Variants in KCNIP3 observed in about 807,000 individuals in gnomAD.
KCNIP3 encodes potassium voltage-gated channel interacting protein 3, also known as calsenilin.
In KCNIP3, 28 loss-of-function variants were observed where a neutral mutation model predicts 35.0. That is an observed-to-expected ratio of 0.80 (90% CI 0.59 to 1.10). The LOEUF is 1.10. KCNIP3 is among the 50% of genes least tolerant of loss of function. The pLI is 0.00. For missense variants in KCNIP3, 295 were observed against 338.4 expected (o/e 0.87, Z 1.01); for synonymous variants, 134 against 133.8 (o/e 1.00, Z -0.01).
intron 7 of KCNIP3, 134 bp from the exon 8 acceptor site, chr2:95,383,098 T>TA (rs1680387522): frequency 2.6e-6 from 2 of 757,560 alleles, no homozygotes; most frequent in African/African-American, 1.7e-5. Context: ...GGGGACAAGT[T>TA]AGAGTGGAGG....
At chr2:95,347,261 GTT>G in intron 2 of KCNIP3, 1 of 712,380 alleles carries the variant, frequency 1.4e-6, no homozygotes, top group Non-Finnish European at 2.3e-6. Flanking sequence ...GCTCCGGAGG[GTT>G]GGGCCTGGGA....
chr2:95,360,149 C>T (rs1157823472), intron 2 of KCNIP3, among the ~76,000 whole-genome samples: 5 of 150,848 alleles, frequency 3.3e-5, no homozygotes, highest in African/African-American at 1.2e-4. Context: ...TAAATTCTGC[C>T]TTCCATACTC....
At chr2:95,324,143 C>T (rs1678663903) in intron 2 of KCNIP3, among the ~76,000 whole-genome samples, 1 of 152,252 alleles carries the variant, frequency 6.6e-6, no homozygotes, top group Non-Finnish European at 1.5e-5. Flanking sequence ...CTGACTTAGT[C>T]AGTGAACTAA....
chr2:95,326,161 A>T (rs1678775453), intron 2 of KCNIP3, among the ~76,000 whole-genome samples: 4 of 151,834 alleles, frequency 2.6e-5, no homozygotes. Flanking sequence ...TTATATACGC[A>T]CTCATATACA....
intron 2 of KCNIP3, among the ~76,000 whole-genome samples, chr2:95,317,175 G>C (rs1678478805): frequency 6.6e-6 from 1 of 152,218 alleles, no homozygotes; most frequent in African/African-American, 2.4e-5. Flanking sequence ...GAGCCTCCTA[G>C]GCAGGGGACT....
Position 95,297,565 on chromosome 2 carries a change from C to T in KCNIP3, c.15+112C>T, listed in dbSNP as rs931370104. On this transcript the variant is annotated intron_variant, in intron 1 of 8. Coordinates refer to ENST00000295225, the MANE Select transcript of KCNIP3 (RefSeq NM_013434.5). ...CCTTTTTCTTTGACCCTTGTCCCCTCTTGTTCCACTTTCCTTTGGGGAAAG... is the reference window on the plus strand; with the variant it reads ...CCTTTTTCTTTGACCCTTGTCCCCTTTTGTTCCACTTTCCTTTGGGGAAAG... 4.8e-6 allele frequency: 4 copies of T among 836,812 alleles called. No individual in the cohort carries two copies. The African/African-American group carries it at 7.0e-5, about 15-fold the overall frequency. 51.8% of individuals were successfully genotyped at this position (836,812 alleles called of 1,614,324 possible).
At chr2:95,346,527 C>A (rs1558769769) in intron 2 of KCNIP3, among the ~76,000 whole-genome samples, 1 of 148,206 alleles carries the variant, frequency 6.7e-6, no homozygotes, top group Non-Finnish European at 1.5e-5. Context: ...GGCCGCCGCG[C>A]CTAGGCCAAT....
chr2:95,325,646 C>T (rs909543999), intron 2 of KCNIP3, among the ~76,000 whole-genome samples: 1 of 151,794 alleles, frequency 6.6e-6, no homozygotes, highest in Non-Finnish European at 1.5e-5. Context: ...CACACGCATA[C>T]ACACAAATAG....
chr2:95,384,023 A>G lies in KCNIP3; in HGVS notation c.745A>G (p.Met249Val), dbSNP rs765885238. ...GCAGGATGAGAACATCATGAGCTCC[A>G]TGCAGCTGTTTGAGAATGTCATCTA... ...CQKDENIMSS[M>V]QLFENVI Residue 249 changes from methionine (M) to valine (V), a missense_variant, in exon 9 of 9, where the codon ATG becomes GTG. Coordinates refer to ENST00000295225, the MANE Select transcript of KCNIP3 (RefSeq NM_013434.5). 4.2e-5 allele frequency: 68 copies of G among 1,613,894 alleles called. 2 individuals carry two copies. The South Asian group carries it at 7.5e-4, about 18-fold the overall frequency.
chr2:95,369,192 G>C (rs1679985544), intron 2 of KCNIP3, among the ~76,000 whole-genome samples: 1 of 152,020 alleles, frequency 6.6e-6, no homozygotes, highest in Admixed American at 6.6e-5. Context: ...TTTGTCAAAT[G>C]CTTTTTCTGC....
At chr2:95,347,974 C>T (rs569445047) in intron 2 of KCNIP3, among the ~76,000 whole-genome samples, 1 of 152,250 alleles carries the variant, frequency 6.6e-6, no homozygotes, top group Non-Finnish European at 1.5e-5. Context: ...CCAGCAGCCC[C>T]TCGGGCATGG....
intron 2 of KCNIP3, among the ~76,000 whole-genome samples, chr2:95,359,928 C>T (rs1369200772): frequency 1.3e-5 from 2 of 152,210 alleles, no homozygotes; most frequent in Non-Finnish European, 2.9e-5. Flanking sequence ...GGCCCTTGGC[C>T]CATCCCCTAA....
chr2:95,317,062 C>T (rs985872899), intron 2 of KCNIP3, among the ~76,000 whole-genome samples: 4 of 152,212 alleles, frequency 2.6e-5, no homozygotes, highest in Non-Finnish European at 5.9e-5. Flanking sequence ...AGAGGCACAG[C>T]AGGGCTGAGG....
intron 3 of KCNIP3, 118 bp downstream of exon 3, chr2:95,374,538 G>C (rs1025989284): frequency 2.1e-5 from 27 of 1,310,896 alleles, no homozygotes; most frequent in Non-Finnish European, 2.6e-5. Flanking sequence ...ATGTGTTGTG[G>C]GAAAGCTGTG....
intron 1 of KCNIP3, among the ~76,000 whole-genome samples, chr2:95,298,235 G>A (rs868613934): frequency 9.0e-6 from 1 of 110,806 alleles, no homozygotes; most frequent in Non-Finnish European, 1.9e-5. Flanking sequence ...GTTCAGGTCT[G>A]GCTGCTCATA....
At chr2:95,368,525 G>C in intron 2 of KCNIP3, 1 of 317,418 alleles carries the variant, frequency 3.2e-6, no homozygotes, top group South Asian at 4.3e-5. Context: ...ATAACCTATG[G>C]AAATAAAAAA....
At chr2:95,332,488 G>A (rs114004943) in intron 2 of KCNIP3, among the ~76,000 whole-genome samples, 1 of 152,376 alleles carries the variant, frequency 6.6e-6, no homozygotes, top group African/African-American at 2.4e-5. Context: ...AGTCATGGAG[G>A]AGAGTTCAGC....
chr2:95,300,357 G>A (rs1156439341), intron 1 of KCNIP3, among the ~76,000 whole-genome samples: 1 of 152,228 alleles, frequency 6.6e-6, no homozygotes, highest in Non-Finnish European at 1.5e-5. Flanking sequence ...TTCTGTGTGA[G>A]GCAGGGAACT....
intron 2 of KCNIP3, among the ~76,000 whole-genome samples, chr2:95,318,923 C>T (rs35238915): frequency 1.3e-5 from 2 of 152,210 alleles, no homozygotes; most frequent in Non-Finnish European, 2.9e-5. Context: ...CACAAGCTGC[C>T]TATGCTGCCA....
Sources: gnomAD v4.1 joint callset for allele counts (sites outside exome capture counted in the v4.1 genomes callset) on GRCh38, gnomAD v4.1.1 for gene constraint, MANE v1.5 for transcripts, NCBI Gene and HGNC (gene_info 2026-07-23, HGNC 2026-07-21) for gene names.